The following TENM2 variants were observed in gnomAD, a reference collection of about 807,000 sequenced individuals.
TENM2 encodes teneurin-2.
In TENM2, 52 loss-of-function variants were observed where a neutral mutation model predicts 245.2. The ratio of observed to expected loss-of-function variants is 0.21; its 90% CI spans 0.17 to 0.27. The LOEUF (loss-of-function observed/expected upper bound fraction) is 0.27, where lower values mean the gene tolerates loss of function less well. Among genes scored for constraint, TENM2 ranks in the 10% least tolerant of loss-of-function variants. TENM2 has a pLI of 1.00. For missense variants in TENM2, 3,046 were observed against 3,666.8 expected (o/e 0.83, Z 4.37); for synonymous variants, 1,363 against 1,438.9 (o/e 0.95, Z 1.19).
intron 1 of TENM2, among the ~76,000 whole-genome samples, chr5:167,324,971 G>A (rs1424637297): frequency 6.6e-6 from 1 of 152,180 alleles, no homozygotes; most frequent in East Asian, 1.9e-4. Flanking sequence ...TTACTCAAGT[G>A]TGAACGTGGC....
chr5:167,368,828 A>G (rs1421607053), intron 1 of TENM2, among the ~76,000 whole-genome samples: 1 of 151,770 alleles, frequency 6.6e-6, no homozygotes, highest in Admixed American at 6.6e-5. Flanking sequence ...GCTGATGACA[A>G]CCTCGCTGAG....
chr5:167,386,564 G>T lies in TENM2; in HGVS notation c.502+11091G>T, dbSNP rs141970003. Among the ~76,000 whole-genome samples the T allele has an allele frequency of 1.9e-3, 284 of 152,142 alleles. 1 individual carries two copies. The highest frequency in any genetic ancestry group is 6.6e-3 in the African/African-American group (272 of 41,516). On this transcript the variant is annotated intron_variant, in intron 2 of 28. Transcript: ENST00000518659. ...CTTTGTTTTTATTGCATTTGCTTTT[G>T]GGTTCCTGGTCATAAAATCCTTGCT...
chr5:168,253,922 C>T (rs975824239), intron 27 of TENM2, among the ~76,000 whole-genome samples: 1 of 152,234 alleles, frequency 6.6e-6, no homozygotes, highest in Non-Finnish European at 1.5e-5. Context: ...CAGTGACCCT[C>T]CTAGACGTGG....
intron 3 of TENM2, among the ~76,000 whole-genome samples, chr5:167,887,944 A>C (rs1380730261): frequency 1.3e-5 from 2 of 152,148 alleles, no homozygotes; most frequent in African/African-American, 4.8e-5. Flanking sequence ...TTGTGGCAGC[A>C]TAACTCCAGT....
chr5:167,746,995 C>A (rs1362286509), intron 2 of TENM2, among the ~76,000 whole-genome samples: 1 of 152,098 alleles, frequency 6.6e-6, no homozygotes, highest in Non-Finnish European at 1.5e-5. Context: ...CTGAAGCTTA[C>A]AGTTTCATGT....
At chr5:167,088,842 T>G in the TENM2 span, among the ~76,000 whole-genome samples, 1,027 of 152,248 alleles carry the variant, frequency 6.7e-3, 9 homozygotes, top group African/African-American at 0.023. Context: ...ATATTCACAG[T>G]TTACCATCGA....
intron 1 of TENM2, among the ~76,000 whole-genome samples, chr5:167,317,257 C>G (rs1457482225): frequency 1.3e-5 from 2 of 152,078 alleles, no homozygotes; most frequent in Non-Finnish European, 2.9e-5. Flanking sequence ...GGTGTTTTGT[C>G]TTTGACATCA....
chr5:168,090,331 C>T (rs2878892), intron 7 of TENM2, among the ~76,000 whole-genome samples: 46,813 of 151,428 alleles, frequency 0.31, 7,501 homozygotes, highest in South Asian at 0.4. Context: ...GGATAACAGA[C>T]AAGAGATTGT....
intron 2 of TENM2, among the ~76,000 whole-genome samples, chr5:167,434,462 A>C (rs972182972): frequency 6.6e-6 from 1 of 151,220 alleles, no homozygotes; most frequent in African/African-American, 2.4e-5. Context: ...ATAATATAGG[A>C]AAACATTTTT....
chr5:167,167,794 G>A, the TENM2 span, among the ~76,000 whole-genome samples: 5 of 152,232 alleles, frequency 3.3e-5, no homozygotes, highest in African/African-American at 1.2e-4. Flanking sequence ...ACCTGCCCTG[G>A]CACTTTGTAA....
intron 2 of TENM2, among the ~76,000 whole-genome samples, chr5:167,457,044 A>C (rs1428642345): frequency 1.3e-5 from 2 of 152,168 alleles, no homozygotes; most frequent in Non-Finnish European, 2.9e-5. Context: ...TTCTTACCTT[A>C]GACAAAAATG....
chr5:167,500,082 G>A (rs572253762), intron 2 of TENM2, among the ~76,000 whole-genome samples: 63 of 151,708 alleles, frequency 4.2e-4, no homozygotes, highest in Non-Finnish European at 7.8e-4. Context: ...GTGTGAGTGT[G>A]TGTGTTCTAC....
the TENM2 span, among the ~76,000 whole-genome samples, chr5:166,989,002 A>T: frequency 6.6e-6 from 1 of 152,214 alleles, no homozygotes; most frequent in Non-Finnish European, 1.5e-5. Context: ...AAAGACTTTG[A>T]CTTCCTGCAA....
intron 2 of TENM2, among the ~76,000 whole-genome samples, chr5:167,694,772 A>G (rs910252122): frequency 2.0e-5 from 3 of 152,186 alleles, no homozygotes; most frequent in Non-Finnish European, 4.4e-5. Context: ...GAAACTAACT[A>G]TAGAAGCTCA....
intron 2 of TENM2, among the ~76,000 whole-genome samples, chr5:167,384,523 A>G (rs1055813061): frequency 1.3e-5 from 2 of 152,214 alleles, no homozygotes; most frequent in Non-Finnish European, 2.9e-5. Context: ...GAGTAGCAGT[A>G]GAAATAGATG....
At chr5:167,439,881 G>T (rs988196148) in intron 2 of TENM2, among the ~76,000 whole-genome samples, 26 of 151,864 alleles carry the variant, frequency 1.7e-4, no homozygotes, top group Non-Finnish European at 2.1e-4. Flanking sequence ...TCACTACCGT[G>T]GCCACATTTT....
chr5:167,020,776 T>G, the TENM2 span, among the ~76,000 whole-genome samples: 1 of 152,340 alleles, frequency 6.6e-6, no homozygotes, highest in South Asian at 2.1e-4. Context: ...ATCCAATGTC[T>G]GCAATATGCC....
the TENM2 span, among the ~76,000 whole-genome samples, chr5:167,037,403 A>G: frequency 6.6e-6 from 1 of 152,150 alleles, no homozygotes; most frequent in African/African-American, 2.4e-5. Context: ...ACTTCTGTTT[A>G]TTGCTGTTGT....
the TENM2 span, among the ~76,000 whole-genome samples, chr5:166,980,949 AC>A: frequency 2.6e-5 from 4 of 152,220 alleles, no homozygotes; most frequent in Non-Finnish European, 5.9e-5. Context: ...TGCCAAGAAT[AC>A]GTTTGCAATA....
Sources: allele counts gnomAD v4.1 joint callset (sites outside exome capture counted in the v4.1 genomes callset), GRCh38; gene constraint gnomAD v4.1.1; transcripts MANE v1.5; gene names NCBI Gene and HGNC (gene_info 2026-07-23, HGNC 2026-07-21).